MAP3K13: variants seen among roughly 807,000 people sequenced by gnomAD.
MAP3K13 encodes mitogen-activated protein kinase kinase kinase 13.
Under a neutral mutation model 104.0 loss-of-function variants are expected in MAP3K13, and 52 were observed. The observed-to-expected ratio is 0.50, with a 90% CI of 0.40 to 0.63. MAP3K13 has a LOEUF of 0.63. Among genes scored for constraint, MAP3K13 ranks in the 20% least tolerant of loss-of-function variants. The pLI, the probability that MAP3K13 is intolerant of heterozygous loss-of-function variation, is 0.00. For missense variants in MAP3K13, 914 were observed against 1,218.5 expected (o/e 0.75, Z 3.72); for synonymous variants, 394 against 442.2 (o/e 0.89, Z 1.37).
intron 7 of MAP3K13, among the ~76,000 whole-genome samples, chr3:185,452,274 A>T (rs1715933347): frequency 6.6e-6 from 1 of 152,140 alleles, no homozygotes; most frequent in South Asian, 2.1e-4. Context: ...ACCAGGCAGG[A>T]GTACCGTGGT....
At chr3:185,364,248 T>C (rs1205749907) in intron 1 of MAP3K13, among the ~76,000 whole-genome samples, 1 of 152,256 alleles carries the variant, frequency 6.6e-6, no homozygotes, top group Non-Finnish European at 1.5e-5. Flanking sequence ...AAAAAGTTAC[T>C]ATTTGTGATT....
intron 8 of MAP3K13, among the ~76,000 whole-genome samples, chr3:185,464,097 A>G (rs1717270867): frequency 6.6e-6 from 1 of 152,212 alleles, no homozygotes; most frequent in Non-Finnish European, 1.5e-5. Context: ...CAGCCCGCCC[A>G]GCATGGCAAA....
chr3:185,451,997 C>A (rs1006108671), intron 7 of MAP3K13, among the ~76,000 whole-genome samples: 11 of 151,994 alleles, frequency 7.2e-5, no homozygotes, highest in African/African-American at 2.7e-4. Flanking sequence ...CTGTAATGTA[C>A]ATACACCTGA....
intron 1 of MAP3K13, among the ~76,000 whole-genome samples, chr3:185,396,249 T>C (rs1247506074): frequency 1.3e-5 from 2 of 152,024 alleles, no homozygotes; most frequent in Non-Finnish European, 1.5e-5. Flanking sequence ...TGCGCATCTG[T>C]AGTCCCAGCT....
intron 2 of MAP3K13, among the ~76,000 whole-genome samples, chr3:185,341,162 C>T (rs186032233): frequency 6.6e-6 from 1 of 152,256 alleles, no homozygotes; most frequent in East Asian, 1.9e-4. Context: ...TATTTGGAAA[C>T]AGGCTCTTTA....
At chr3:185,449,515 G>T (rs1715770751) in intron 5 of MAP3K13, among the ~76,000 whole-genome samples, 1 of 151,606 alleles carries the variant, frequency 6.6e-6, no homozygotes, top group Non-Finnish European at 1.5e-5. Context: ...GTGAGTTATA[G>T]ATTTAATTTT....
intron 11 of MAP3K13, among the ~76,000 whole-genome samples, chr3:185,475,344 C>T (rs1192488051): frequency 6.6e-6 from 1 of 152,070 alleles, no homozygotes; most frequent in African/African-American, 2.4e-5. Flanking sequence ...TGGTAGACAC[C>T]CACCCAATTC....
intron 1 of MAP3K13, among the ~76,000 whole-genome samples, chr3:185,385,769 A>C (rs1711650535): frequency 6.8e-6 from 1 of 146,126 alleles, no homozygotes; most frequent in African/African-American, 2.5e-5. Flanking sequence ...TTGGGAGGCC[A>C]AGGTGGGCTG....
At chr3:185,336,841 G>A (rs115502087) in intron 2 of MAP3K13, among the ~76,000 whole-genome samples, 88 of 151,984 alleles carry the variant, frequency 5.8e-4, no homozygotes, top group African/African-American at 2.1e-3. Context: ...ATATATGTGT[G>A]TTTATGTCTG....
chr3:185,399,661 G>GGGAA (rs1192557101), intron 1 of MAP3K13, among the ~76,000 whole-genome samples: 20 of 1,510 alleles, frequency 0.013, 4 homozygotes, highest in Admixed American at 0.019. Context: ...GAAAAAAGGA[G>GGGAA]GGAAGGAAGG....
chr3:185,447,925 GTC>G lies in MAP3K13; in HGVS notation c.992_993del (p.Ser331Ter). The G allele has an allele frequency of 2.5e-6, 4 of 1,610,650 alleles. No homozygotes were observed. The highest frequency in any genetic ancestry group is 3.4e-6 in the Non-Finnish European group (4 of 1,179,080). ...GCCAGAGGTGATACGGAATGAACCT[GTC>G]TCTGAAAAAGTTGATATATGGTGAG... The part of the protein sequence containing the change: ...MAPEVIRNEP[V>X]SEKVDIWSFG... On this transcript the variant is annotated frameshift_variant, in exon 5 of 14. Transcript: ENST00000265026. LOFTEE classifies it high-confidence loss of function.
chr3:185,389,786 C>T (rs1032960204), intron 1 of MAP3K13, among the ~76,000 whole-genome samples: 7 of 109,226 alleles, frequency 6.4e-5, no homozygotes, highest in Non-Finnish European at 1.2e-4. Flanking sequence ...GAAACTAAAA[C>T]AAAAAATTTG....
chr3:185,429,148 T>C (rs1714605632), intron 2 of MAP3K13, 92 bp downstream of exon 2: 2 of 1,219,230 alleles, frequency 1.6e-6, no homozygotes, highest in Admixed American at 4.9e-5. Context: ...CCTATGACCT[T>C]TGGGCAAATT....
intron 2 of MAP3K13, chr3:185,329,009 A>ATC: frequency 4.2e-6 from 2 of 479,312 alleles, no homozygotes; most frequent in Admixed American, 6.5e-5. Context: ...TTTCATATAA[A>ATC]AAGGATTGTA....
intron 1 of MAP3K13, among the ~76,000 whole-genome samples, chr3:185,377,493 T>C (rs1009089228): frequency 1.3e-5 from 2 of 152,144 alleles, no homozygotes; most frequent in Admixed American, 6.5e-5. Flanking sequence ...GGGAAGCAGA[T>C]AATTTAGTTA....
At chr3:185,377,810 G>A (rs890046298) in intron 1 of MAP3K13, among the ~76,000 whole-genome samples, 5 of 152,248 alleles carry the variant, frequency 3.3e-5, no homozygotes, top group Admixed American at 2.0e-4. Flanking sequence ...GTCTTCAGCC[G>A]CTAAGCCGAG....
intron 1 of MAP3K13, among the ~76,000 whole-genome samples, chr3:185,373,547 C>T (rs1364807407): frequency 1.3e-5 from 2 of 152,242 alleles, no homozygotes; most frequent in African/African-American, 4.8e-5. Flanking sequence ...GAGGCCGAGG[C>T]ACTAGAATCA....
chr3:185,485,757 AC>A lies in MAP3K13; in HGVS notation c.*3302del, dbSNP rs1718687274. The A allele has an allele frequency of 6.6e-6, 1 of 152,136 alleles. No homozygotes were observed. Among genetic ancestry groups the A allele is most frequent in the East Asian group, 1.9e-4 (1 of 5,194 alleles). 9.4% of individuals were successfully genotyped at this position (152,136 alleles called of 1,614,324 possible). A position where few individuals can be genotyped will look rare whatever the true frequency, so the allele number is the denominator to read the frequency against. On this transcript the variant is annotated 3_prime_UTR_variant, in exon 14 of 14. Coordinates refer to ENST00000265026, the MANE Select transcript of MAP3K13 (RefSeq NM_004721.5). The stretch of plus-strand genomic sequence containing the variant: ...AAACATAGTATATATAGGGTTTGGT[AC>A]TATCAGAGTTTTTAGGCATCCACTG...
rs1716518567 is a variant in MAP3K13, at chr3:185,455,495, T to TATGATATATATG, written c.1278+4101_1278+4102insTGATATATATGA. Among the ~76,000 whole-genome samples, 7 of 90,000 alleles carry TATGATATATATG rather than the reference T, an allele frequency of 7.8e-5. No individual in the cohort carries two copies. In the East Asian group the frequency reaches 1.5e-3, roughly 19 times the overall value. The allele number at this position is 90,000 out of a possible 152,430, so 59.0% of individuals were successfully genotyped here. On this transcript the variant is annotated intron_variant, in intron 7 of 13. Coordinates refer to ENST00000265026, the MANE Select transcript of MAP3K13 (RefSeq NM_004721.5). ...ATATACATGATATATATGAGATATATACATGAGATATATATGAGATATATA... is the reference window on the plus strand; with the variant it reads ...ATATACATGATATATATGAGATATATATGATATATATGACATGAGATATATATGAGATATATA...
Sources: allele counts gnomAD v4.1 joint callset (sites outside exome capture counted in the v4.1 genomes callset), GRCh38; gene constraint gnomAD v4.1.1; transcripts MANE v1.5; gene names NCBI Gene and HGNC (gene_info 2026-07-23, HGNC 2026-07-21).